RSRC1: variants seen among roughly 807,000 people sequenced by gnomAD.
The protein encoded by RSRC1 is arginine and serine rich coiled-coil 1, also known as serine/Arginine-related protein 53.
Under a neutral mutation model 49.1 loss-of-function variants are expected in RSRC1, and 39 were observed. That is an observed-to-expected ratio of 0.79 (90% confidence interval 0.61 to 1.04). The LOEUF is 1.04. RSRC1 is among the 50% of genes least tolerant of loss of function. The pLI, the probability that RSRC1 is intolerant of heterozygous loss-of-function variation, is 0.00. For missense variants in RSRC1, 388 were observed against 402.4 expected, an observed-to-expected ratio of 0.96 and a Z score of 0.31; for synonymous variants, 143 against 130.8, an observed-to-expected ratio of 1.09 and a Z score of -0.63.
chr3:158,366,664 A>G (rs1405942557), intron 6 of RSRC1, among the ~76,000 whole-genome samples: 1 of 152,154 alleles, frequency 6.6e-6, no homozygotes, highest in Non-Finnish European at 1.5e-5. Context: ...ACTTTAAAGT[A>G]GTTTTTTCCA....
intron 6 of RSRC1, among the ~76,000 whole-genome samples, chr3:158,448,082 T>C (rs1240358315): frequency 3.9e-5 from 6 of 151,902 alleles, no homozygotes; most frequent in Non-Finnish European, 4.4e-5. Flanking sequence ...TTTTCTAAAA[T>C]GCTGAAACAT....
At chr3:158,119,827 A>C (rs1715127152) in intron 1 of RSRC1, among the ~76,000 whole-genome samples, 1 of 136,958 alleles carries the variant, frequency 7.3e-6, no homozygotes, top group Non-Finnish European at 1.5e-5. Flanking sequence ...TTATAATTTC[A>C]TAGTCTTTTT....
chr3:158,295,585 T>A (rs1727189892), intron 4 of RSRC1, among the ~76,000 whole-genome samples: 1 of 151,800 alleles, frequency 6.6e-6, no homozygotes, highest in Non-Finnish European at 1.5e-5. Context: ...TAGAAAGAAA[T>A]AGTTAGATCT....
At chr3:158,263,269 A>G (rs1724996436) in intron 4 of RSRC1, among the ~76,000 whole-genome samples, 1 of 152,094 alleles carries the variant, frequency 6.6e-6, no homozygotes. Context: ...TTTCTCTGTG[A>G]CTACTGAAAC....
intron 6 of RSRC1, among the ~76,000 whole-genome samples, chr3:158,439,462 C>A (rs1560043292): frequency 6.6e-6 from 1 of 152,104 alleles, no homozygotes; most frequent in Non-Finnish European, 1.5e-5. Context: ...GGCACATATA[C>A]ACCATGGAAT....
rs537359419 is a variant in RSRC1, at chr3:158,314,768, A to T, written c.531+16693A>T. Among the ~76,000 whole-genome samples the T allele has an allele frequency of 3.7e-4, 57 of 152,362 alleles. 1 individual carries two copies. The highest frequency in any genetic ancestry group is 1.2e-3 in the African/African-American group (48 of 41,584). Reference sequence around the variant, plus strand: ...ATACAGGATGGTAACAATATAATTTAAAAAATGTAGTGTCTTATATTTTAG... The same window carrying T: ...ATACAGGATGGTAACAATATAATTTTAAAAATGTAGTGTCTTATATTTTAG... On this transcript the variant is annotated intron_variant, in intron 5 of 9. Coordinates refer to ENST00000611884, the MANE Select transcript of RSRC1 (RefSeq NM_001271838.2).
At chr3:158,511,819 G>C (rs62287886) in intron 7 of RSRC1, among the ~76,000 whole-genome samples, 45,711 of 150,294 alleles carry the variant, frequency 0.3, 7,188 homozygotes, top group South Asian at 0.4. Context: ...GCCATTCTAA[G>C]TGGTGTGAGA....
intron 7 of RSRC1, among the ~76,000 whole-genome samples, chr3:158,476,162 C>T (rs1290899679): frequency 6.6e-6 from 1 of 152,080 alleles, no homozygotes; most frequent in Non-Finnish European, 1.5e-5. Flanking sequence ...CCCTTCAATT[C>T]TATGAAGCTG....
chr3:158,530,894 TAAA>T (rs371856421), intron 7 of RSRC1, among the ~76,000 whole-genome samples: 3 of 77,650 alleles, frequency 3.9e-5, no homozygotes, highest in African/African-American at 1.1e-4. Context: ...TAGAGTATAA[TAAA>T]AAAAAAAATA....
chr3:158,340,528 A>G (rs914115925), intron 5 of RSRC1, among the ~76,000 whole-genome samples: 10 of 152,148 alleles, frequency 6.6e-5, no homozygotes, highest in African/African-American at 2.2e-4. Context: ...GCGACAGAGC[A>G]AGAGTCCGTC....
intron 5 of RSRC1, among the ~76,000 whole-genome samples, chr3:158,329,372 C>G (rs1729396529): frequency 6.6e-6 from 1 of 152,140 alleles, no homozygotes; most frequent in Admixed American, 6.5e-5. Flanking sequence ...GTGGTTTTAT[C>G]TACCTTTGGT....
chr3:158,238,271 C>A (rs1191424039), intron 4 of RSRC1, among the ~76,000 whole-genome samples: 1 of 151,904 alleles, frequency 6.6e-6, no homozygotes, highest in Non-Finnish European at 1.5e-5. Context: ...GAATCAATAT[C>A]GTGAAAATGG....
At chr3:158,271,291 A>G (rs2108055281) in intron 4 of RSRC1, among the ~76,000 whole-genome samples, 1 of 152,202 alleles carries the variant, frequency 6.6e-6, no homozygotes, top group South Asian at 2.1e-4. Context: ...ATATAGCAAT[A>G]TTGTTTCCTG....
rs1281083761 is a variant in RSRC1 at position 158,477,796 on chromosome 3, A to ATT, written c.652+16795_652+16796dup. Among the ~76,000 whole-genome samples the ATT allele has an allele frequency of 3.5e-3, 154 of 44,524 alleles. 13 individuals carry two copies. Among genetic ancestry groups the ATT allele is most frequent in the Middle Eastern group, 0.014 (1 of 74 alleles). 29.2% of individuals were successfully genotyped at this position (44,524 alleles called of 152,430 possible). On this transcript the variant is annotated intron_variant, in intron 7 of 9. Coordinates refer to ENST00000611884, the MANE Select transcript of RSRC1 (RefSeq NM_001271838.2). ...GGTGATGGGATAGGTTGCGGGAGGG[A>ATT]TTTATATATATATATATATATATAT...
intron 3 of RSRC1, among the ~76,000 whole-genome samples, chr3:158,177,858 C>T (rs1232048422): frequency 6.6e-6 from 1 of 152,088 alleles, no homozygotes; most frequent in African/African-American, 2.4e-5. Context: ...TATCAATATA[C>T]TTTTTAGAAT....
intron 4 of RSRC1, among the ~76,000 whole-genome samples, chr3:158,252,885 G>A (rs189166556): frequency 6.6e-6 from 1 of 152,158 alleles, no homozygotes; most frequent in East Asian, 1.9e-4. Context: ...GTTTCTCATA[G>A]TAGCCTTTAT....
At position 158,296,908 on chromosome 3, in the gene RSRC1, T is replaced by C. The variant is rs572963677; in HGVS notation, c.495-1131T>C. On this transcript the variant is annotated intron_variant, in intron 4 of 9. Coordinates refer to ENST00000611884, the MANE Select transcript of RSRC1 (RefSeq NM_001271838.2). ...AGGTTGGAAGCCATGAGTACAGTTT[T>C]CCAGCAGCAAATCTGAAGGGAATAA... is the stretch of plus-strand genomic sequence containing the variant. Among the ~76,000 whole-genome samples, 8 of 152,044 alleles carry C rather than the reference T, an allele frequency of 5.3e-5. No homozygotes were observed. In the East Asian group the frequency reaches 1.5e-3, roughly 29 times the overall value.
chr3:158,423,251 G>C (rs532102406), intron 6 of RSRC1, among the ~76,000 whole-genome samples: 1 of 152,078 alleles, frequency 6.6e-6, no homozygotes, highest in Non-Finnish European at 1.5e-5. Flanking sequence ...ATTGATTTTT[G>C]TATAAGGTGT....
intron 7 of RSRC1, among the ~76,000 whole-genome samples, chr3:158,499,724 T>A (rs62287869): frequency 0.11 from 16,084 of 152,116 alleles, 1,007 homozygotes; most frequent in African/African-American, 0.18. Context: ...TTGTATACGT[T>A]AATTTGCTGA....
Sources: gnomAD v4.1 joint callset for allele counts (sites outside exome capture counted in the v4.1 genomes callset) on GRCh38, gnomAD v4.1.1 for gene constraint, MANE v1.5 for transcripts, NCBI Gene and HGNC (gene_info 2026-07-23, HGNC 2026-07-21) for gene names.